The following TMEM63C variants were observed in gnomAD, a reference collection of about 807,000 sequenced individuals.
The protein encoded by TMEM63C is osmosensitive cation channel TMEM63C.
Under a neutral mutation model 99.2 loss-of-function variants are expected in TMEM63C, and 32 were observed. That is an observed-to-expected ratio of 0.32 (90% CI 0.24 to 0.43). TMEM63C has a LOEUF of 0.43. Ranked by LOEUF, TMEM63C falls within the 20% of genes least tolerant of loss-of-function variation. The probability of loss-of-function intolerance (pLI) is 1.00; values close to 1 mark genes in which losing one functional copy is unlikely to be tolerated. For missense variants in TMEM63C, 826 were observed against 1,053.0 expected, an observed-to-expected ratio of 0.78 and a Z score of 2.98; for synonymous variants, 376 against 397.9, an observed-to-expected ratio of 0.94 and a Z score of 0.66.
At chr14:77,228,268 C>T (rs753388266) in intron 6 of TMEM63C, among the ~76,000 whole-genome samples, 2 of 152,142 alleles carry the variant, frequency 1.3e-5, no homozygotes, top group Non-Finnish European at 2.9e-5. Flanking sequence ...AATTCTAGTG[C>T]TCTCAGTGCC....
At chr14:77,245,184 A>G (rs1889248152) in intron 16 of TMEM63C, among the ~76,000 whole-genome samples, 1 of 152,234 alleles carries the variant, frequency 6.6e-6, no homozygotes, top group Non-Finnish European at 1.5e-5. Context: ...AGGGATTTTT[A>G]GTATTCTTGG....
Position 77,231,688 on chromosome 14 carries a change from C to A in TMEM63C, c.451C>A (p.Leu151Met). ...TGTGCTCATCATCTGTATCCCCTCC[C>A]TGGGCATCATTTTGCCCATCAACTA... ...IFVLIICIPS[L>M]GIILPINYTG... Residue 151 changes from leucine (L) to methionine (M), a missense_variant, in exon 7 of 24, where the codon CTG becomes ATG. By Grantham distance (15) the Leu-to-Met change is conservative. Transcript: ENST00000298351. The A allele has an allele frequency of 6.4e-7, 1 of 1,551,700 alleles. No homozygotes were observed. The highest frequency in any genetic ancestry group is 8.7e-7 in the Non-Finnish European group (1 of 1,147,002).
intron 8 of TMEM63C, 73 bp downstream of exon 8, chr14:77,233,573 G>A: frequency 6.6e-7 from 1 of 1,516,058 alleles, no homozygotes; most frequent in Non-Finnish European, 9.1e-7. Context: ...TAACATGTCA[G>A]TTTGCAACAT....
At chr14:77,186,775 G>GT (rs1265699164) in intron 1 of TMEM63C, among the ~76,000 whole-genome samples, 15 of 125,480 alleles carry the variant, frequency 1.2e-4, no homozygotes, top group African/African-American at 2.1e-4. Flanking sequence ...AGAACCAAAG[G>GT]GGTGTGTGTG....
At chr14:77,219,947 C>T (rs1002801130) in intron 4 of TMEM63C, 59 bp from the exon 5 acceptor site, 5 of 1,490,038 alleles carry the variant, frequency 3.4e-6, no homozygotes, top group Non-Finnish European at 3.7e-6. Flanking sequence ...GGGAGCAGGG[C>T]AGGCAGCTGA....
intron 6 of TMEM63C, among the ~76,000 whole-genome samples, chr14:77,229,813 T>C (rs67717956): frequency 0.17 from 26,182 of 151,384 alleles, 2,446 homozygotes; most frequent in Non-Finnish European, 0.21. Context: ...ATTTACTTCT[T>C]TTTCATATTT....
intron 1 of TMEM63C, chr14:77,196,194 G>C (rs759571755): frequency 1.3e-5 from 2 of 152,558 alleles, no homozygotes; most frequent in African/African-American, 4.8e-5. Flanking sequence ...CAGAGGCCAC[G>C]TGGGGCCTGA....
In TMEM63C at chr14:77,186,811, G is replaced by GTGTGTC. The variant is rs1555345726; in HGVS notation, c.-77+4922_-77+4923insCTGTGT. 2.1e-3 allele frequency among the ~76,000 whole-genome samples: 316 copies of GTGTGTC among 147,766 alleles called. 4 individuals are homozygous for GTGTGTC. Among genetic ancestry groups the GTGTGTC allele is most frequent in the African/African-American group, 7.3e-3 (286 of 39,284 alleles). ...TGTGTGTGTGTGTGTCTGTGTGTGT[G>GTGTGTC]TGTGTGTGTCTGTGTGTGTCTGTGT... On this transcript the variant is annotated intron_variant, in intron 1 of 23. Coordinates refer to ENST00000298351, the MANE Select transcript of TMEM63C (RefSeq NM_020431.4).
In TMEM63C at chr14:77,248,421, T is replaced by A; in HGVS notation, c.1676T>A (p.Met559Lys). ...VITAALLGTG[M>K]ELLRLGSLFC... ...ACGGCAGCTTTACTTGGCACAGGCATGGAGCTGCTGCGTCTGGGGTCACTC... is the reference window on the plus strand; with the variant it reads ...ACGGCAGCTTTACTTGGCACAGGCAAGGAGCTGCTGCGTCTGGGGTCACTC... Residue 559 changes from methionine (M) to lysine (K), a missense_variant, in exon 19 of 24, where the codon ATG becomes AAG. Physicochemically the swap from Met to Lys is moderately conservative, Grantham distance 95. Transcript: ENST00000298351. 6.3e-7 allele frequency: 1 copy of A among 1,596,644 alleles called. No individual in the cohort carries two copies. Among genetic ancestry groups the A allele is most frequent in the Non-Finnish European group, 8.5e-7 (1 of 1,171,782 alleles).
chr14:77,187,958 G>A (rs1888032711), intron 1 of TMEM63C, among the ~76,000 whole-genome samples: 1 of 152,302 alleles, frequency 6.6e-6, no homozygotes, highest in South Asian at 2.1e-4. Context: ...GGGGGGATGT[G>A]TCAGATGCCC....
intron 6 of TMEM63C, among the ~76,000 whole-genome samples, chr14:77,226,005 A>G (rs555798947): frequency 6.6e-6 from 1 of 152,232 alleles, no homozygotes; most frequent in East Asian, 1.9e-4. Context: ...GCTGACCTCA[A>G]GTTACGTGTT....
chr14:77,242,844 C>A, intron 14 of TMEM63C, 59 bp from the exon 15 acceptor site: 1 of 1,599,982 alleles, frequency 6.3e-7, no homozygotes, highest in Non-Finnish European at 8.6e-7. Flanking sequence ...CAGCAAACAG[C>A]ACGTGGGCTC....
chr14:77,245,637 G>A (rs75342511), intron 16 of TMEM63C, among the ~76,000 whole-genome samples: 3 of 152,206 alleles, frequency 2.0e-5, no homozygotes, highest in Admixed American at 1.3e-4. Context: ...CACATGTTAC[G>A]TGGATGGCAG....
Position 77,218,788 on chromosome 14 carries a change from C to G in TMEM63C, c.-13-13C>G, listed in dbSNP as rs776498513. 6.2e-7 allele frequency: 1 copy of G among 1,611,702 alleles called. No individual in the cohort carries two copies. The highest frequency in any genetic ancestry group is 8.5e-7 in the Non-Finnish European group (1 of 1,179,074). On this transcript the variant is annotated splice_polypyrimidine_tract_variant and intron_variant, in intron 2 of 23. Coordinates refer to ENST00000298351, the MANE Select transcript of TMEM63C (RefSeq NM_020431.4). ...AGTCTTTGCATCTGACCTGGATGCC[C>G]TCTGTTTCCCAGGGATCCTCCCAGG...
chr14:77,212,673 T>A (rs1346950913), intron 1 of TMEM63C, among the ~76,000 whole-genome samples: 12 of 152,180 alleles, frequency 7.9e-5, no homozygotes, highest in Non-Finnish European at 1.6e-4. Context: ...GGCAACAGCC[T>A]CCCTCATTAC....
intron 1 of TMEM63C, among the ~76,000 whole-genome samples, chr14:77,205,034 G>A (rs1346953384): frequency 6.6e-6 from 1 of 152,216 alleles, no homozygotes; most frequent in South Asian, 2.1e-4. Flanking sequence ...CAAAAATGGA[G>A]CTGAGATTAA....
At chr14:77,250,220 T>G (rs960579513) in intron 21 of TMEM63C, among the ~76,000 whole-genome samples, 1 of 152,174 alleles carries the variant, frequency 6.6e-6, no homozygotes, top group African/African-American at 2.4e-5. Flanking sequence ...CCTCACTCTT[T>G]AGCTACACAC....
chr14:77,218,979 T>G lies in TMEM63C; in HGVS notation c.150+16T>G. Reference sequence around the variant, plus strand: ...CCTGTGGGTGGTGAGTCCTGGGCACTGCAGGAGGCAGACAGTAAAGCCTCA... The same window carrying G: ...CCTGTGGGTGGTGAGTCCTGGGCACGGCAGGAGGCAGACAGTAAAGCCTCA... On this transcript the variant is annotated intron_variant, in intron 3 of 23. Coordinates refer to ENST00000298351, the MANE Select transcript of TMEM63C (RefSeq NM_020431.4). The G allele has an allele frequency of 6.5e-7, 1 of 1,536,484 alleles. No homozygotes were observed.
chr14:77,236,566 C>A, intron 8 of TMEM63C, 58 bp from the exon 9 acceptor site: 1 of 1,244,338 alleles, frequency 8.0e-7, no homozygotes, highest in East Asian at 2.3e-5. Context: ...GGTCTCTGTG[C>A]AGTGGGCTCT....
Sources: allele counts gnomAD v4.1 joint callset (sites outside exome capture counted in the v4.1 genomes callset), GRCh38; gene constraint gnomAD v4.1.1; transcripts MANE v1.5; gene names NCBI Gene and HGNC (gene_info 2026-07-23, HGNC 2026-07-21).